Variants in SAMD12 observed in about 807,000 individuals in gnomAD.
SAMD12 encodes the protein sterile alpha motif domain containing 12.
In SAMD12, 9 loss-of-function variants were observed where a neutral mutation model predicts 15.0. The observed-to-expected ratio is 0.60, with a 90% confidence interval of 0.36 to 1.05. The LOEUF (loss-of-function observed/expected upper bound fraction) is 1.05. Ranked by LOEUF, SAMD12 falls within the 50% of genes least tolerant of loss-of-function variation. The probability of loss-of-function intolerance (pLI) is 0.01; values close to 1 mark genes in which losing one functional copy is unlikely to be tolerated. For synonymous variants in SAMD12, 86 were observed against 90.1 expected (o/e 0.96, Z 0.25); for missense variants, 230 against 234.2 (o/e 0.98, Z 0.12).
chr8:118,493,176 T>C (rs906083198), intron 2 of SAMD12, among the ~76,000 whole-genome samples: 2 of 152,164 alleles, frequency 1.3e-5, no homozygotes, highest in Admixed American at 1.3e-4. Context: ...ATAAAGAACA[T>C]TTTCTTCCCA....
intron 4 of SAMD12, chr8:118,288,361 ACTGT>A (rs1003447781): frequency 1.3e-5 from 2 of 152,150 alleles, no homozygotes; most frequent in African/African-American, 4.8e-5. Flanking sequence ...ACCCTGCATA[ACTGT>A]CTGTTATGAT....
At position 118,604,442 on chromosome 8, in the gene SAMD12, G is replaced by A. The variant is rs183315497; in HGVS notation, c.13+17362C>T. On this transcript the variant is annotated intron_variant, in intron 1 of 3. Coordinates refer to ENST00000314727, the MANE Select transcript of SAMD12 (RefSeq NM_207506.3). ...TGAATGTAAGAGCCGCAGTGTTTCT[G>A]AATGTTTAATCAAGGATTTTAAAAT... Among the ~76,000 whole-genome samples, 31 of 152,284 alleles carry A rather than the reference G, an allele frequency of 2.0e-4. No homozygotes were observed. The East Asian group carries it at 6.0e-3, about 29-fold the overall frequency.
chr8:118,339,481 C>T (rs542954643), intron 4 of SAMD12, among the ~76,000 whole-genome samples: 1 of 152,312 alleles, frequency 6.6e-6, no homozygotes, highest in Admixed American at 6.5e-5. Flanking sequence ...TGATTACAAT[C>T]AGGGCCTTCC....
At chr8:118,151,923 A>G in the SAMD12 span, among the ~76,000 whole-genome samples, 10 of 152,208 alleles carry the variant, frequency 6.6e-5, no homozygotes, top group Admixed American at 2.0e-4. Flanking sequence ...TGGGATATCC[A>G]AGTGGAGTGC....
chr8:118,408,201 T>C (rs768866156), intron 3 of SAMD12, among the ~76,000 whole-genome samples: 15 of 152,140 alleles, frequency 9.9e-5, no homozygotes, highest in Non-Finnish European at 2.2e-4. Flanking sequence ...GCCCCTTGTA[T>C]ACATGCTACA....
intron 2 of SAMD12, among the ~76,000 whole-genome samples, chr8:118,461,000 T>A (rs897734351): frequency 6.6e-6 from 1 of 152,248 alleles, no homozygotes; most frequent in African/African-American, 2.4e-5. Flanking sequence ...ATGGTTTACC[T>A]GGTTAGGATG....
intron 2 of SAMD12, among the ~76,000 whole-genome samples, chr8:118,495,034 A>G (rs1408861255): frequency 1.3e-5 from 2 of 152,206 alleles, no homozygotes; most frequent in Admixed American, 1.3e-4. Flanking sequence ...TGGAGTACTT[A>G]CAAGAATCAC....
rs771768589 is a variant in SAMD12, at chr8:118,522,206, ACACACACACG to A, written c.192+58499_192+58508del. ...CACACACACACACACACATACACAC[ACACACACACG>A]ATAAAAAGAGAGAAATCAAACGAGA... On this transcript the variant is annotated intron_variant, in intron 2 of 3. Transcript: ENST00000314727. 4.8e-3 allele frequency among the ~76,000 whole-genome samples: 555 copies of A among 114,934 alleles called. 7 individuals are homozygous for A. Among genetic ancestry groups the A allele is most frequent in the Middle Eastern group, 0.018 (4 of 220 alleles). The allele number at this position is 114,934 out of a possible 152,430, so 75.4% of individuals were successfully genotyped here.
chr8:118,261,886 CT>C (rs569792304), intron 4 of SAMD12, among the ~76,000 whole-genome samples: 2,131 of 144,484 alleles, frequency 0.015, 36 homozygotes, highest in African/African-American at 0.045. Flanking sequence ...AAATTGACAT[CT>C]TTTTTTTTTT....
chr8:118,371,562 G>A (rs550240770), intron 4 of SAMD12, among the ~76,000 whole-genome samples: 4 of 152,208 alleles, frequency 2.6e-5, no homozygotes, highest in South Asian at 2.1e-4. Context: ...AGGTGACAGC[G>A]TGAGTCATGG....
chr8:118,571,533 A>G (rs540610075), intron 2 of SAMD12, among the ~76,000 whole-genome samples: 2,119 of 152,326 alleles, frequency 0.014, 45 homozygotes, highest in African/African-American at 0.048. Flanking sequence ...GGCCTGGAGT[A>G]GGCTGTATAA....
chr8:118,621,684 G>C (rs1828411645), intron 1 of SAMD12, 120 bp downstream of exon 1: 4 of 1,152,756 alleles, frequency 3.5e-6, no homozygotes, highest in Non-Finnish European at 5.2e-6. Flanking sequence ...AGGAGGAAGG[G>C]GCCCGCTCTC....
chr8:118,177,560 G>A, the SAMD12 span, among the ~76,000 whole-genome samples: 579 of 152,142 alleles, frequency 3.8e-3, 4 homozygotes, highest in Non-Finnish European at 3.6e-3. Flanking sequence ...GAGGATTAAC[G>A]CCTGGGAAGG....
chr8:118,528,270 G>C (rs1048971369), intron 2 of SAMD12, among the ~76,000 whole-genome samples: 2 of 152,174 alleles, frequency 1.3e-5, no homozygotes, highest in Non-Finnish European at 2.9e-5. Flanking sequence ...GACCTCAGGT[G>C]ATCTGCCCGC....
At chr8:118,242,216 A>C (rs1413058888) in intron 4 of SAMD12, among the ~76,000 whole-genome samples, 2 of 152,204 alleles carry the variant, frequency 1.3e-5, no homozygotes, top group African/African-American at 4.8e-5. Flanking sequence ...AGTGTAAATA[A>C]TAAAACTGTA....
chr8:118,160,070 C>T, the SAMD12 span, among the ~76,000 whole-genome samples: 10 of 152,270 alleles, frequency 6.6e-5, no homozygotes, highest in Non-Finnish European at 1.2e-4. Context: ...TTTAAATTTC[C>T]AAGTAATTTA....
At chr8:118,481,601 C>G (rs1824129571) in intron 2 of SAMD12, among the ~76,000 whole-genome samples, 1 of 151,978 alleles carries the variant, frequency 6.6e-6, no homozygotes, top group Non-Finnish European at 1.5e-5. Context: ...CTATTTTCAC[C>G]AATGATTTGA....
rs1814201964 is a variant in SAMD12 at position 118,288,853 on chromosome 8, AG to A, written c.433+90706del. On this transcript the variant is annotated intron_variant, in intron 4 of 4. Coordinates refer to the SAMD12 transcript ENST00000409003. ...AGAGAAATAAAAAATAATAAATACC[AG>A]GGGCACATATATATGATGTCATTAT... Among the ~76,000 whole-genome samples, 5 of 152,354 alleles carry A rather than the reference AG, an allele frequency of 3.3e-5. No individual in the cohort carries two copies. In the South Asian group the frequency reaches 8.3e-4, roughly 25 times the overall value.
chr8:118,421,422 C>T (rs889649452), intron 3 of SAMD12, among the ~76,000 whole-genome samples: 2 of 152,084 alleles, frequency 1.3e-5, no homozygotes, highest in Non-Finnish European at 2.9e-5. Context: ...ATTCTCATTG[C>T]TCTTGTTTAA....
Sources: gnomAD v4.1 joint callset for allele counts (sites outside exome capture counted in the v4.1 genomes callset) on GRCh38, gnomAD v4.1.1 for gene constraint, MANE v1.5 for transcripts, NCBI Gene and HGNC (gene_info 2026-07-23, HGNC 2026-07-21) for gene names.